PTPRN2: variants seen among roughly 807,000 people sequenced by gnomAD.
The protein encoded by PTPRN2 is protein tyrosine phosphatase receptor type N2, also known as receptor-type tyrosine-protein phosphatase N2.
In PTPRN2, 74 loss-of-function variants were observed where a neutral mutation model predicts 118.8. The ratio of observed to expected loss-of-function variants is 0.62; its 90% confidence interval spans 0.52 to 0.76. PTPRN2 has a LOEUF of 0.76. Ranked by LOEUF, PTPRN2 falls within the 30% of genes least tolerant of loss-of-function variation. The pLI is 0.00. For synonymous variants in PTPRN2, 641 were observed against 608.0 expected, an observed-to-expected ratio of 1.05 and a Z score of -0.80; for missense variants, 1,481 against 1,394.4, an observed-to-expected ratio of 1.06 and a Z score of -0.99.
chr7:157,843,500 C>T (rs1808581281), intron 12 of PTPRN2, among the ~76,000 whole-genome samples: 1 of 152,194 alleles, frequency 6.6e-6, no homozygotes. Flanking sequence ...AGGACTGTGC[C>T]TCTGAGCCTC....
chr7:158,244,836 C>CGT (rs10667363), intron 3 of PTPRN2, among the ~76,000 whole-genome samples: 1 of 151,206 alleles, frequency 6.6e-6, no homozygotes, highest in Admixed American at 6.6e-5. Flanking sequence ...GAGTTGTGCA[C>CGT]ATGTGAGTGT....
intron 11 of PTPRN2, among the ~76,000 whole-genome samples, chr7:158,071,384 C>CTTGTG (rs1554528321): frequency 2.1e-4 from 6 of 27,964 alleles, no homozygotes; most frequent in South Asian, 1.9e-3. Flanking sequence ...TGGAGGTGCT[C>CTTGTG]GTGGTGGAGG....
At chr7:158,299,799 C>T (rs943496625) in intron 3 of PTPRN2, among the ~76,000 whole-genome samples, 2 of 152,172 alleles carry the variant, frequency 1.3e-5, no homozygotes, top group African/African-American at 2.4e-5. Flanking sequence ...TGGCGGTTCC[C>T]AGGCCCCCCA....
intron 10 of PTPRN2, among the ~76,000 whole-genome samples, chr7:158,107,760 C>T (rs1481078420): frequency 6.6e-6 from 1 of 152,130 alleles, no homozygotes; most frequent in Non-Finnish European, 1.5e-5. Flanking sequence ...TGCTCTCTTC[C>T]CTCACCTGCA....
chr7:157,876,649 G>C (rs370790959), intron 12 of PTPRN2, among the ~76,000 whole-genome samples: 1 of 152,174 alleles, frequency 6.6e-6, no homozygotes, highest in Non-Finnish European at 1.5e-5. Flanking sequence ...GAAGACCAGC[G>C]CCCCCACGTG....
chr7:157,603,864 G>A lies in PTPRN2; in HGVS notation c.2418+138C>T. 3 of 786,130 alleles carry A rather than the reference G, an allele frequency of 3.8e-6. No homozygotes were observed. Among genetic ancestry groups the A allele is most frequent in the Non-Finnish European group, 6.1e-6 (3 of 495,198 alleles). The allele number at this position is 786,130 out of a possible 1,614,324, so 48.7% of individuals were successfully genotyped here. A position where few individuals can be genotyped will look rare whatever the true frequency, so the allele number is the denominator to read the frequency against. Reference sequence around the variant, plus strand: ...CAGGGGAGTGGCGGGAGCCCAATGGGCAGAGTCGGCCCTGTCCACCGCAGA... The same window carrying A: ...CAGGGGAGTGGCGGGAGCCCAATGGACAGAGTCGGCCCTGTCCACCGCAGA... On this transcript the variant is annotated intron_variant, in intron 16 of 22. Coordinates refer to ENST00000389418, the MANE Select transcript of PTPRN2 (RefSeq NM_002847.5). This position sits in a 1 kb window ranked among gnomAD's most constrained non-coding sequence, Gnocchi z 5.4.
intron 3 of PTPRN2, among the ~76,000 whole-genome samples, chr7:158,217,929 A>G (rs960176503): frequency 6.6e-6 from 1 of 152,198 alleles, no homozygotes; most frequent in Non-Finnish European, 1.5e-5. Context: ...AAACCTCTGA[A>G]AAGTATGGGA....
At chr7:158,102,372 A>G (rs1007614595) in intron 10 of PTPRN2, among the ~76,000 whole-genome samples, 5 of 152,012 alleles carry the variant, frequency 3.3e-5, no homozygotes, top group Admixed American at 2.6e-4. Flanking sequence ...CCTCTGCCCA[A>G]TTATCTCAGT....
At chr7:158,139,694 G>A (rs1169018527) in intron 6 of PTPRN2, among the ~76,000 whole-genome samples, 1 of 152,120 alleles carries the variant, frequency 6.6e-6, no homozygotes, top group African/African-American at 2.4e-5. Flanking sequence ...GGGCGGGGCG[G>A]GGGGAAGACA....
At chr7:158,183,666 C>A (rs1211546168) in intron 5 of PTPRN2, among the ~76,000 whole-genome samples, 1 of 152,352 alleles carries the variant, frequency 6.6e-6, no homozygotes, top group Admixed American at 6.5e-5. Flanking sequence ...AGTTCCAGGA[C>A]TTGGTAGGGT....
intron 12 of PTPRN2, among the ~76,000 whole-genome samples, chr7:157,769,724 G>A (rs1027249996): frequency 2.6e-5 from 4 of 152,116 alleles, no homozygotes; most frequent in African/African-American, 9.7e-5. Context: ...ACTCTCTTCC[G>A]CAGCTCCCTG....
chr7:157,899,356 C>T (rs1050395034), intron 11 of PTPRN2, among the ~76,000 whole-genome samples: 3 of 152,148 alleles, frequency 2.0e-5, no homozygotes, highest in Non-Finnish European at 2.9e-5. Flanking sequence ...GCTCTGGAAA[C>T]AATTAGCAGA....
At chr7:157,952,745 G>A (rs1282400376) in intron 11 of PTPRN2, among the ~76,000 whole-genome samples, 1 of 152,146 alleles carries the variant, frequency 6.6e-6, no homozygotes. Context: ...GGTGTGCACA[G>A]GCCTGCCTGC....
intron 3 of PTPRN2, among the ~76,000 whole-genome samples, chr7:158,255,427 G>A (rs1045169505): frequency 6.6e-6 from 1 of 152,152 alleles, no homozygotes; most frequent in African/African-American, 2.4e-5. Flanking sequence ...AAGAGGATCG[G>A]CCACTCCACC....
chr7:158,016,921 A>C (rs906604779), intron 11 of PTPRN2, among the ~76,000 whole-genome samples: 2 of 152,220 alleles, frequency 1.3e-5, no homozygotes, highest in African/African-American at 2.4e-5. Flanking sequence ...CACCACCTAC[A>C]GTGCCCTGCT....
chr7:157,895,724 G>A (rs1797073039), intron 12 of PTPRN2, among the ~76,000 whole-genome samples: 4 of 151,448 alleles, frequency 2.6e-5, no homozygotes, highest in Admixed American at 2.6e-4. Flanking sequence ...GCTGAGACAG[G>A]GTGGATGGAA....
At chr7:158,167,904 T>A (rs1205297559) in intron 5 of PTPRN2, among the ~76,000 whole-genome samples, 2 of 152,232 alleles carry the variant, frequency 1.3e-5, no homozygotes, top group Non-Finnish European at 2.9e-5. Context: ...AATTCACCTA[T>A]CAGTTGATGG....
At chr7:158,322,023 G>C (rs976289022) in intron 2 of PTPRN2, among the ~76,000 whole-genome samples, 1 of 152,162 alleles carries the variant, frequency 6.6e-6, no homozygotes, top group African/African-American at 2.4e-5. Context: ...TTCTCCCTCT[G>C]TCTTCCCTGC....
At chr7:157,865,792 T>G (rs1296173159) in intron 12 of PTPRN2, 1 of 152,182 alleles carries the variant, frequency 6.6e-6, no homozygotes, top group Non-Finnish European at 1.5e-5. Context: ...CCCCAGGTCC[T>G]GATGTTACTT....
Sources: gnomAD v4.1 joint callset for allele counts (sites outside exome capture counted in the v4.1 genomes callset) on GRCh38, gnomAD v4.1.1 for gene constraint, Gnocchi (gnomAD v3.1) non-coding constraint, MANE v1.5 for transcripts, NCBI Gene and HGNC (gene_info 2026-07-23, HGNC 2026-07-21) for gene names.